CD2AP: variants seen among roughly 807,000 people sequenced by gnomAD.
CD2AP encodes the protein CD2-associated protein.
A neutral mutation model predicts 85.1 loss-of-function variants in CD2AP; 46 were observed. That is an observed-to-expected ratio of 0.54 (90% CI 0.43 to 0.69). The LOEUF is 0.69. CD2AP is among the 30% of genes least tolerant of loss of function. The probability of loss-of-function intolerance (pLI) is 0.00; values close to 1 mark genes in which losing one functional copy is unlikely to be tolerated. For synonymous variants in CD2AP, 255 were observed against 252.9 expected, an observed-to-expected ratio of 1.01 and a Z score of -0.08; for missense variants, 769 against 729.5, an observed-to-expected ratio of 1.05 and a Z score of -0.62.
At position 47,553,481 on chromosome 6, in the gene CD2AP, G is replaced by A. The variant is rs190955250; in HGVS notation, c.421-1165G>A. On this transcript the variant is annotated intron_variant, in intron 4 of 17. Transcript: ENST00000359314. Reference sequence around the variant, plus strand: ...CCTGCCTCAGCTTCCCAGCTAGATGGGACTACAGGTGTGCACCACCACACC... The same window carrying A: ...CCTGCCTCAGCTTCCCAGCTAGATGAGACTACAGGTGTGCACCACCACACC... Among the ~76,000 whole-genome samples, 346 of 150,426 alleles carry A rather than the reference G, an allele frequency of 2.3e-3. 1 individual carries two copies. Among genetic ancestry groups the A allele is most frequent in the African/African-American group, 8.2e-3 (336 of 40,986 alleles).
At position 47,534,092 on chromosome 6, in the gene CD2AP, T is replaced by C. The variant is rs543604572; in HGVS notation, c.319+337T>C. Reference sequence around the variant, plus strand: ...AATATCTGCTGATTCTTAGCATAGATACAAGAATTTTGATAGTGCTTTTTC... The same window carrying C: ...AATATCTGCTGATTCTTAGCATAGACACAAGAATTTTGATAGTGCTTTTTC... On this transcript the variant is annotated intron_variant, in intron 3 of 17. Transcript: ENST00000359314. Among the ~76,000 whole-genome samples the C allele has an allele frequency of 3.3e-5, 5 of 152,350 alleles. No individual in the cohort carries two copies. The South Asian group carries it at 6.2e-4, about 19-fold the overall frequency.
chr6:47,538,742 A>G (rs1767121431), intron 3 of CD2AP, among the ~76,000 whole-genome samples: 2 of 152,204 alleles, frequency 1.3e-5, no homozygotes, highest in African/African-American at 2.4e-5. Flanking sequence ...TGGAAACATT[A>G]AAAACAGTCT....
intron 5 of CD2AP, among the ~76,000 whole-genome samples, chr6:47,561,206 G>A (rs1192835146): frequency 6.6e-6 from 1 of 152,186 alleles, no homozygotes; most frequent in Non-Finnish European, 1.5e-5. Context: ...TTTGACAGAT[G>A]TATAAATCCA....
chr6:47,546,266 T>C (rs561397488), intron 4 of CD2AP, among the ~76,000 whole-genome samples: 1 of 152,172 alleles, frequency 6.6e-6, no homozygotes, highest in South Asian at 2.1e-4. Context: ...ACTTCAGAGC[T>C]TAAAGACAAG....
At position 47,569,416 on chromosome 6, in the gene CD2AP, A is replaced by G. The variant is rs540545768; in HGVS notation, c.542-4648A>G. Among the ~76,000 whole-genome samples the G allele has an allele frequency of 5.1e-4, 77 of 152,182 alleles. 1 individual carries two copies. The South Asian group carries it at 0.015, about 30-fold the overall frequency. ...ATATTTCTGACTTTTGATATCTTCT[A>G]TAGAAAAGGAGTAATGTTACGAATA... On this transcript the variant is annotated intron_variant, in intron 5 of 17. Transcript: ENST00000359314.
intron 2 of CD2AP, among the ~76,000 whole-genome samples, chr6:47,518,946 C>G (rs1027811200): frequency 1.3e-5 from 2 of 152,140 alleles, no homozygotes; most frequent in Non-Finnish European, 2.9e-5. Flanking sequence ...GCATATCCCT[C>G]CCTACACTCC....
Position 47,625,881 on chromosome 6 carries a change from T to C in CD2AP, c.*1654T>C, listed in dbSNP as rs1053369499. The stretch of plus-strand genomic sequence containing the variant: ...CATTAGAACTCTTCAAAATGGGCTC[T>C]TCTAATGAGGTCACTACTGAACAAA... On this transcript the variant is annotated 3_prime_UTR_variant, in exon 18 of 18. Coordinates refer to ENST00000359314, the MANE Select transcript of CD2AP (RefSeq NM_012120.3). 10 of 152,032 alleles carry C rather than the reference T, an allele frequency of 6.6e-5. No individual in the cohort carries two copies. Among genetic ancestry groups the C allele is most frequent in the African/African-American group, 2.4e-4 (10 of 41,566 alleles). 9.4% of individuals were successfully genotyped at this position (152,032 alleles called of 1,614,324 possible). A position where few individuals can be genotyped will look rare whatever the true frequency, so the allele number is the denominator to read the frequency against.
At chr6:47,621,809 A>G (rs753766715) in intron 17 of CD2AP, among the ~76,000 whole-genome samples, 1 of 151,982 alleles carries the variant, frequency 6.6e-6, no homozygotes, top group Non-Finnish European at 1.5e-5. Flanking sequence ...CATCTCTTCT[A>G]GGTTTTCTAG....
intron 1 of CD2AP, 134 bp downstream of exon 1, chr6:47,478,382 C>T: frequency 9.8e-7 from 1 of 1,019,946 alleles, no homozygotes; most frequent in Non-Finnish European, 1.5e-6. Flanking sequence ...TCCATTCTCC[C>T]CACCGCCCCT....
intron 5 of CD2AP, among the ~76,000 whole-genome samples, chr6:47,556,297 T>TATGA (rs1211255612): frequency 6.6e-6 from 1 of 151,552 alleles, no homozygotes; most frequent in Non-Finnish European, 1.5e-5. Flanking sequence ...ACCTCCCATT[T>TATGA]ATGAATGAGA....
rs750809565 is a variant in CD2AP at position 47,599,461 on chromosome 6, G to A, written c.1417+18G>A. ...AGAAACAGGTAAGTCAGCATGGACAGCGGTGGTGCATTTAAAAAAAAAAAT... is the reference window on the plus strand; with the variant it reads ...AGAAACAGGTAAGTCAGCATGGACAACGGTGGTGCATTTAAAAAAAAAAAT... On this transcript the variant is annotated intron_variant, in intron 13 of 17. Transcript: ENST00000359314. 1.1e-5 allele frequency: 17 copies of A among 1,607,958 alleles called. No homozygotes were observed. The highest frequency in any genetic ancestry group is 1.4e-5 in the Non-Finnish European group (16 of 1,176,392).
At chr6:47,489,605 G>A (rs1209901252) in intron 1 of CD2AP, among the ~76,000 whole-genome samples, 1 of 152,086 alleles carries the variant, frequency 6.6e-6, no homozygotes, top group Non-Finnish European at 1.5e-5. Flanking sequence ...AGCATTTAGG[G>A]AATTCTTACT....
chr6:47,508,609 G>C (rs781541666), intron 2 of CD2AP, among the ~76,000 whole-genome samples: 15 of 145,162 alleles, frequency 1.0e-4, no homozygotes, highest in Non-Finnish European at 2.1e-4. Flanking sequence ...GCAATAGCAC[G>C]ATTTTGGCTC....
At chr6:47,533,797 G>A (rs1437360791) in intron 3 of CD2AP, 42 bp downstream of exon 3, 4 of 1,589,002 alleles carry the variant, frequency 2.5e-6, no homozygotes, top group Non-Finnish European at 3.4e-6. Context: ...CATCAAAATA[G>A]AAGGATATTT....
rs746297717 is a variant in CD2AP at position 47,576,538 on chromosome 6, G to C, written c.744G>C (p.Gln248His). ...EKKPEKPLIL[Q>H]SLGPKTQSVE... is the part of the protein sequence containing the mutation. ...TTCTATTCTAGCCCTTAATCCTACAGTCACTGGGACCCAAAACTCAGAGTG... is the reference window on the plus strand; with the variant it reads ...TTCTATTCTAGCCCTTAATCCTACACTCACTGGGACCCAAAACTCAGAGTG... The change falls in exon 7 of 18, where the codon CAG becomes CAC. Residue 248 changes from glutamine (Q) to histidine (H), a missense_variant. Physicochemically the swap from Gln to His is conservative, Grantham distance 24 (BLOSUM62 0). Coordinates refer to ENST00000359314, the MANE Select transcript of CD2AP (RefSeq NM_012120.3). 6.2e-7 allele frequency: 1 copy of C among 1,610,876 alleles called. No homozygotes were observed. Among genetic ancestry groups the C allele is most frequent in the East Asian group, 2.2e-5 (1 of 44,760 alleles).
chr6:47,591,229 C>T (rs1293343584), intron 11 of CD2AP, among the ~76,000 whole-genome samples: 1 of 152,088 alleles, frequency 6.6e-6, no homozygotes, highest in Non-Finnish European at 1.5e-5. Context: ...TAGAAGACAG[C>T]TTGGGTGGAA....
At position 47,533,689 on chromosome 6, in the gene CD2AP, A is replaced by G. The variant is rs565667264; in HGVS notation, c.253A>G (p.Ile85Val). The G allele has an allele frequency of 2.2e-5, 35 of 1,614,170 alleles. 1 individual carries two copies. The South Asian group carries it at 3.8e-4, about 18-fold the overall frequency. ...GAATGTAGCAAGTCTTGTACAACGA[A>G]TAAGCACCTATGGACTTCCAGCTGG... ...HGNVASLVQRISTYGLPAGGI... is the reference protein window; with the variant it reads ...HGNVASLVQRVSTYGLPAGGI... Residue 85 changes from isoleucine (I) to valine (V), a missense_variant, in exon 3 of 18, where the codon ATA becomes GTA. Transcript: ENST00000359314.
At position 47,597,947 on chromosome 6, in the gene CD2AP, T is replaced by C. The variant is rs560999260; in HGVS notation, c.1275-1354T>C. Among the ~76,000 whole-genome samples the C allele has an allele frequency of 9.3e-5, 14 of 151,010 alleles. 1 individual carries two copies. In the South Asian group the frequency reaches 2.9e-3, roughly 32 times the overall value. Reference sequence around the variant, plus strand: ...AGTGAAGGGACCCAGTGGTGTCTCTTCTTACCACATGCAGCAGTAGTCAAG... The same window carrying C: ...AGTGAAGGGACCCAGTGGTGTCTCTCCTTACCACATGCAGCAGTAGTCAAG... On this transcript the variant is annotated intron_variant, in intron 12 of 17. Transcript: ENST00000359314.
chr6:47,606,396 A>T, intron 14 of CD2AP, 119 bp downstream of exon 14: 1 of 706,570 alleles, frequency 1.4e-6, no homozygotes, highest in Non-Finnish European at 2.6e-6. Context: ...TCTTATACTC[A>T]AGTGGCAAAT....
Sources: allele counts gnomAD v4.1 joint callset (sites outside exome capture counted in the v4.1 genomes callset), GRCh38; gene constraint gnomAD v4.1.1; transcripts MANE v1.5; gene names NCBI Gene and HGNC (gene_info 2026-07-23, HGNC 2026-07-21).